Variants in CCDC141 observed in about 807,000 individuals in gnomAD.
CCDC141 encodes the protein coiled-coil domain containing 141, also known as coiled-coil domain-containing protein 141.
In CCDC141, 168 loss-of-function variants were observed where a neutral mutation model predicts 181.0. The ratio of observed to expected loss-of-function variants is 0.93; its 90% confidence interval spans 0.82 to 1.05. The LOEUF is 1.05. Ranked by LOEUF, CCDC141 falls within the 50% of genes least tolerant of loss-of-function variation. The pLI is 0.00. For missense variants in CCDC141, 1,902 were observed against 1,788.5 expected (o/e 1.06, Z -1.14); for synonymous variants, 666 against 642.3 (o/e 1.04, Z -0.56).
intron 8 of CCDC141, among the ~76,000 whole-genome samples, chr2:178,898,828 A>G (rs935060313): frequency 1.3e-5 from 2 of 152,186 alleles, no homozygotes; most frequent in African/African-American, 4.8e-5. Context: ...AAAAAAAATC[A>G]GATCAAAGGG....
chr2:178,900,826 T>A (rs1480110358), intron 8 of CCDC141, among the ~76,000 whole-genome samples: 1 of 152,178 alleles, frequency 6.6e-6, no homozygotes, highest in Non-Finnish European at 1.5e-5. Context: ...TTTACCCTCA[T>A]GCCTTAACCA....
intron 5 of CCDC141, among the ~76,000 whole-genome samples, chr2:178,953,456 C>T (rs1288879843): frequency 6.6e-6 from 1 of 151,074 alleles, no homozygotes; most frequent in Non-Finnish European, 1.5e-5. Flanking sequence ...AAAAAATGCT[C>T]ATATTCTATC....
chr2:178,841,979 C>T (rs1684743255), intron 22 of CCDC141, among the ~76,000 whole-genome samples: 1 of 152,040 alleles, frequency 6.6e-6, no homozygotes, highest in Admixed American at 6.5e-5. Flanking sequence ...CTAGAACTGT[C>T]TAGTTTTCAA....
chr2:178,963,143 G>T (rs1288150452), intron 4 of CCDC141, among the ~76,000 whole-genome samples: 3 of 152,188 alleles, frequency 2.0e-5, no homozygotes, highest in African/African-American at 7.2e-5. Context: ...TTTTGAAAGA[G>T]GGGTTGGAAA....
At chr2:178,989,012 C>T (rs1162103121) in intron 2 of CCDC141, among the ~76,000 whole-genome samples, 1 of 152,106 alleles carries the variant, frequency 6.6e-6, no homozygotes, top group Non-Finnish European at 1.5e-5. Flanking sequence ...CAAAATGTAT[C>T]AGTGATCTCA....
At chr2:178,990,791 G>A (rs1575316121) in intron 2 of CCDC141, among the ~76,000 whole-genome samples, 1 of 152,204 alleles carries the variant, frequency 6.6e-6, no homozygotes, top group East Asian at 1.9e-4. Flanking sequence ...TGCTTGCCAG[G>A]GGCTGGGGGA....
chr2:178,910,774 G>A lies in CCDC141; in HGVS notation c.1093-5273C>T, dbSNP rs368421090. Among the ~76,000 whole-genome samples, 4 of 152,224 alleles carry A rather than the reference G, an allele frequency of 2.6e-5. No individual in the cohort carries two copies. The East Asian group carries it at 7.7e-4, about 29-fold the overall frequency. On this transcript the variant is annotated intron_variant, in intron 7 of 23. Transcript: ENST00000443758. The stretch of plus-strand genomic sequence containing the variant: ...AAGGCAGTTGCTGCTGGACCTCAGA[G>A]CTCCCTCCTTGTTCCAGGGTGAATT...
intron 2 of CCDC141, among the ~76,000 whole-genome samples, chr2:178,990,263 A>G (rs1201840015): frequency 6.6e-6 from 1 of 152,084 alleles, no homozygotes; most frequent in African/African-American, 2.4e-5. Context: ...TTTAAAAAAA[A>G]AAACATGTTG....
chr2:179,000,321 C>T (rs1202759612), intron 2 of CCDC141, among the ~76,000 whole-genome samples: 1 of 152,084 alleles, frequency 6.6e-6, no homozygotes, highest in Non-Finnish European at 1.5e-5. Context: ...ACAACTATGT[C>T]TACTGGTTAA....
At chr2:178,959,182 T>C (rs141112468) in intron 5 of CCDC141, among the ~76,000 whole-genome samples, 35,489 of 151,810 alleles carry the variant, frequency 0.23, 5,502 homozygotes, top group Non-Finnish European at 0.34. Context: ...TTAGGAGATA[T>C]ACCTAATGTA....
intron 2 of CCDC141, among the ~76,000 whole-genome samples, chr2:179,037,473 A>C (rs1432982967): frequency 6.6e-6 from 1 of 152,204 alleles, no homozygotes; most frequent in African/African-American, 2.4e-5. Flanking sequence ...ATGCTATGAA[A>C]TTTCCTCTAA....
At chr2:179,003,866 CT>C (rs151159610) in intron 2 of CCDC141, among the ~76,000 whole-genome samples, 8,179 of 151,764 alleles carry the variant, frequency 0.054, 289 homozygotes, top group South Asian at 0.085. Flanking sequence ...AAAATAATTG[CT>C]TTTTTTTCAG....
chr2:178,977,552 A>T (rs1162618260), intron 3 of CCDC141, among the ~76,000 whole-genome samples: 6 of 152,200 alleles, frequency 3.9e-5, no homozygotes, highest in Non-Finnish European at 8.8e-5. Flanking sequence ...AAGCCTTGAA[A>T]GTTATAATAA....
intron 2 of CCDC141, among the ~76,000 whole-genome samples, chr2:178,987,858 T>A (rs1310286141): frequency 6.6e-6 from 1 of 150,492 alleles, no homozygotes. Context: ...GGAACACTTT[T>A]ACACTGTTGG....
chr2:178,901,321 G>C (rs7602042), intron 8 of CCDC141, among the ~76,000 whole-genome samples: 90,691 of 151,778 alleles, frequency 0.6, 27,565 homozygotes, highest in Admixed American at 0.67. Context: ...AATTTTAGGC[G>C]AATATCCTTG....
At chr2:178,818,093 G>A in the CCDC141 span, among the ~76,000 whole-genome samples, 1 of 152,018 alleles carries the variant, frequency 6.6e-6, no homozygotes, top group African/African-American at 2.4e-5. Flanking sequence ...GTGAGCCACC[G>A]CACCTGGCCC....
intron 4 of CCDC141, among the ~76,000 whole-genome samples, chr2:178,967,328 A>G (rs1211440006): frequency 1.3e-5 from 2 of 152,322 alleles, no homozygotes; most frequent in East Asian, 1.9e-4. Flanking sequence ...GAAACGAAGG[A>G]AAAAATGTTA....
chr2:178,977,981 T>G (rs901912477), intron 3 of CCDC141, among the ~76,000 whole-genome samples: 1 of 152,150 alleles, frequency 6.6e-6, no homozygotes, highest in Non-Finnish European at 1.5e-5. Context: ...CTATGGAAAA[T>G]CAACTATACG....
At chr2:178,925,543 T>C (rs1473772984) in intron 6 of CCDC141, among the ~76,000 whole-genome samples, 1 of 152,262 alleles carries the variant, frequency 6.6e-6, no homozygotes, top group Non-Finnish European at 1.5e-5. Context: ...TGGTTCAACA[T>C]AGATGAAAAT....
Sources: gnomAD v4.1 joint callset for allele counts (sites outside exome capture counted in the v4.1 genomes callset) on GRCh38, gnomAD v4.1.1 for gene constraint, MANE v1.5 for transcripts, NCBI Gene and HGNC (gene_info 2026-07-23, HGNC 2026-07-21) for gene names.